The following PALLD variants were observed in gnomAD, a reference collection of about 807,000 sequenced individuals.
PALLD encodes the protein palladin, cytoskeletal associated protein, also known as palladin.
In PALLD, 61 loss-of-function variants were observed where a neutral mutation model predicts 123.5. That is an observed-to-expected ratio of 0.49 (90% CI 0.40 to 0.61). The LOEUF is 0.61. PALLD is among the 20% of genes least tolerant of loss of function. The pLI is 0.00. For synonymous variants in PALLD, 465 were observed against 496.4 expected, an observed-to-expected ratio of 0.94 and a Z score of 0.84; for missense variants, 1,273 against 1,377.0, an observed-to-expected ratio of 0.92 and a Z score of 1.20.
intron 2 of PALLD, among the ~76,000 whole-genome samples, chr4:168,618,402 C>G (rs1201936901): frequency 6.6e-6 from 1 of 152,172 alleles, no homozygotes; most frequent in Non-Finnish European, 1.5e-5. Context: ...CAATTAATCT[C>G]AACTTCAGGG....
intron 1 of PALLD, among the ~76,000 whole-genome samples, chr4:168,498,961 T>C (rs1186632054): frequency 6.6e-6 from 1 of 151,978 alleles, no homozygotes; most frequent in Non-Finnish European, 1.5e-5. Context: ...TATTAGATTA[T>C]GTCCTTGAAA....
intron 10 of PALLD, among the ~76,000 whole-genome samples, chr4:168,770,099 G>A (rs934808471): frequency 6.6e-6 from 1 of 152,172 alleles, no homozygotes; most frequent in Non-Finnish European, 1.5e-5. Flanking sequence ...TGAGTTGGGG[G>A]AGAGGGCAAC....
At chr4:168,654,868 C>T (rs1473855726) in intron 2 of PALLD, 1 of 152,114 alleles carries the variant, frequency 6.6e-6, no homozygotes, top group Non-Finnish European at 1.5e-5. Context: ...AGAGAATTAC[C>T]TGTGTAACTA....
chr4:168,563,586 T>G, intron 2 of PALLD, among the ~76,000 whole-genome samples: 1 of 152,216 alleles, frequency 6.6e-6, no homozygotes, highest in Non-Finnish European at 1.5e-5. Flanking sequence ...TTTAAATGAA[T>G]GTAGATTTTC....
At chr4:168,737,483 C>G (rs1787873514) in intron 10 of PALLD, among the ~76,000 whole-genome samples, 1 of 151,722 alleles carries the variant, frequency 6.6e-6, no homozygotes, top group Non-Finnish European at 1.5e-5. Flanking sequence ...AACATGCTCA[C>G]TTACTGGGTG....
At chr4:168,612,468 C>T (rs1251945716) in intron 2 of PALLD, among the ~76,000 whole-genome samples, 1 of 152,112 alleles carries the variant, frequency 6.6e-6, no homozygotes, top group Admixed American at 6.5e-5. Flanking sequence ...TCAAGTTGAG[C>T]CCCAACTCCC....
rs915364381 is a variant in PALLD, at chr4:168,690,763, G to A, written c.1477+19G>A. The A allele has an allele frequency of 6.2e-7, 1 of 1,613,560 alleles. No homozygotes were observed. The highest frequency in any genetic ancestry group is 1.7e-4 in the Middle Eastern group (1 of 6,058). ...CAGAAAAGTAAGGAGAAGTGCCCAT[G>A]TCCCCAAATCTGACCATTTTATTCT... On this transcript the variant is annotated intron_variant, in intron 7 of 21. Coordinates refer to ENST00000505667, the MANE Select transcript of PALLD (RefSeq NM_001166108.2).
At position 168,512,030 on chromosome 4, in the gene PALLD, A is replaced by G. The variant is rs975923414; in HGVS notation, c.526A>G (p.Ile176Val). The change falls in exon 2 of 22, where the codon ATT becomes GTT. Residue 176 changes from isoleucine (I) to valine (V), a missense_variant. Physicochemically the swap from Ile to Val is conservative, Grantham distance 29 (BLOSUM62 3). Transcript: ENST00000505667. ...SQLCDKAANL[I>V]EELTSIFKAA... Reference sequence around the variant, plus strand: ...GCTGTGTGACAAGGCAGCTAATTTAATTGAGGAGCTAACATCCATATTTAA... The same window carrying G: ...GCTGTGTGACAAGGCAGCTAATTTAGTTGAGGAGCTAACATCCATATTTAA... 1.9e-6 allele frequency: 3 copies of G among 1,614,108 alleles called. No individual in the cohort carries two copies. In the Admixed American group the frequency reaches 5.0e-5, roughly 27 times the overall value.
intron 10 of PALLD, among the ~76,000 whole-genome samples, chr4:168,837,185 G>A (rs1335881445): frequency 1.3e-5 from 2 of 152,132 alleles, no homozygotes; most frequent in Non-Finnish European, 2.9e-5. Flanking sequence ...GAGAAGAGGG[G>A]GAAGAGAGCA....
intron 15 of PALLD, among the ~76,000 whole-genome samples, chr4:168,907,336 G>C (rs1041726851): frequency 6.6e-6 from 1 of 152,170 alleles, no homozygotes; most frequent in African/African-American, 2.4e-5. Context: ...CGTTCCCACA[G>C]TACTGTCAGA....
intron 10 of PALLD, among the ~76,000 whole-genome samples, chr4:168,889,460 G>C (rs566757446): frequency 4.0e-5 from 6 of 151,832 alleles, no homozygotes; most frequent in Non-Finnish European, 8.8e-5. Flanking sequence ...CACCACACCC[G>C]GCCTGCAGTC....
intron 15 of PALLD, among the ~76,000 whole-genome samples, chr4:168,910,220 CTTTTTTTT>C (rs70961563): frequency 8.8e-6 from 1 of 114,010 alleles, no homozygotes. Context: ...AACCTGTTTA[CTTTTTTTT>C]TTTTTTTTTT....
intron 10 of PALLD, among the ~76,000 whole-genome samples, chr4:168,770,373 G>T (rs912037858): frequency 6.6e-6 from 1 of 152,152 alleles, no homozygotes; most frequent in Admixed American, 6.5e-5. Context: ...GCTATTGGAG[G>T]TTCACACAGT....
At chr4:168,872,787 A>T (rs957596634) in intron 10 of PALLD, among the ~76,000 whole-genome samples, 23 of 152,360 alleles carry the variant, frequency 1.5e-4, no homozygotes, top group African/African-American at 5.5e-4. Flanking sequence ...ATTGACCTTC[A>T]TGCAGTGGAC....
At chr4:168,856,984 G>A (rs1748697382) in intron 10 of PALLD, among the ~76,000 whole-genome samples, 1 of 152,180 alleles carries the variant, frequency 6.6e-6, no homozygotes, top group Admixed American at 6.5e-5. Flanking sequence ...CAAAGCACAA[G>A]GCATATTTGT....
chr4:168,898,826 C>A, intron 14 of PALLD, 112 bp downstream of exon 14: 4 of 776,378 alleles, frequency 5.2e-6, no homozygotes, highest in Non-Finnish European at 6.8e-6. Context: ...TCTCAATACC[C>A]ACGATATAAA....
At chr4:168,823,516 C>CA (rs562484156) in intron 10 of PALLD, among the ~76,000 whole-genome samples, 6 of 150,838 alleles carry the variant, frequency 4.0e-5, no homozygotes, top group African/African-American at 1.5e-4. Flanking sequence ...CCTGTCTCTA[C>CA]AAAAAATAGA....
At chr4:168,681,841 C>G (rs2150085990) in intron 4 of PALLD, among the ~76,000 whole-genome samples, 1 of 152,250 alleles carries the variant, frequency 6.6e-6, no homozygotes, top group African/African-American at 2.4e-5. Context: ...CATGAGCCAA[C>G]ATGTCCAGCC....
At chr4:168,793,844 A>C (rs761508329) in intron 10 of PALLD, among the ~76,000 whole-genome samples, 5 of 152,152 alleles carry the variant, frequency 3.3e-5, no homozygotes, top group Non-Finnish European at 5.9e-5. Context: ...AAGTCTTCCC[A>C]TCAGAAACAG....
Sources: allele counts gnomAD v4.1 joint callset (sites outside exome capture counted in the v4.1 genomes callset), GRCh38; gene constraint gnomAD v4.1.1; transcripts MANE v1.5; gene names NCBI Gene and HGNC (gene_info 2026-07-23, HGNC 2026-07-21).